The following MPDZ variants were observed in gnomAD, a reference collection of about 807,000 sequenced individuals.
MPDZ encodes multiple PDZ domain protein.
A neutral mutation model predicts 239.1 loss-of-function variants in MPDZ; 234 were observed. The observed-to-expected ratio is 0.98, with a 90% confidence interval of 0.88 to 1.09. The LOEUF (loss-of-function observed/expected upper bound fraction) is 1.09. MPDZ is among the 50% of genes least tolerant of loss of function. The probability of loss-of-function intolerance (pLI) is 0.00; values close to 1 mark genes in which losing one functional copy is unlikely to be tolerated. For synonymous variants in MPDZ, 1,048 were observed against 881.3 expected (o/e 1.19, Z -3.35); for missense variants, 3,175 against 2,510.0 (o/e 1.26, Z -5.66).
At chr9:13,205,333 C>T (rs1956869679) in intron 11 of MPDZ, among the ~76,000 whole-genome samples, 1 of 152,074 alleles carries the variant, frequency 6.6e-6, no homozygotes, top group African/African-American at 2.4e-5. Flanking sequence ...GTATAAATGG[C>T]ATAAATATCA....
At chr9:13,121,702 T>A in intron 38 of MPDZ, 37 bp downstream of exon 38, 1 of 1,605,472 alleles carries the variant, frequency 6.2e-7, no homozygotes, top group African/African-American at 1.3e-5. Context: ...TCCCATCATT[T>A]CCAAGGGAGC....
At chr9:13,144,720 G>A (rs1948203443) in intron 26 of MPDZ, among the ~76,000 whole-genome samples, 1 of 152,060 alleles carries the variant, frequency 6.6e-6, no homozygotes, top group Non-Finnish European at 1.5e-5. Context: ...TTCTTGCAAT[G>A]TTTTTCCTAC....
chr9:13,276,692 T>C (rs1026805833), intron 1 of MPDZ: 1 of 152,204 alleles, frequency 6.6e-6, no homozygotes, highest in Admixed American at 6.5e-5. Flanking sequence ...CAGTCCAACT[T>C]TGCCTCAAAA....
intron 1 of MPDZ, among the ~76,000 whole-genome samples, chr9:13,275,799 T>C (rs1974051661): frequency 6.6e-6 from 1 of 152,158 alleles, no homozygotes. Flanking sequence ...TGGGCACAAA[T>C]CCTCTATTCC....
At chr9:13,138,617 G>A (rs1947195964) in intron 28 of MPDZ, among the ~76,000 whole-genome samples, 1 of 152,150 alleles carries the variant, frequency 6.6e-6, no homozygotes, top group African/African-American at 2.4e-5. Flanking sequence ...AAAATGAAGA[G>A]AATGAGCTTT....
intron 2 of MPDZ, among the ~76,000 whole-genome samples, chr9:13,249,040 G>A (rs1967153314): frequency 8.2e-6 from 1 of 121,580 alleles, no homozygotes; most frequent in African/African-American, 3.0e-5. Context: ...ACTTTCTATA[G>A]CACCAAATCT....
intron 31 of MPDZ, 157 bp downstream of exon 31, chr9:13,135,935 G>C (rs1012385780): frequency 1.5e-5 from 8 of 533,770 alleles, no homozygotes; most frequent in African/African-American, 3.9e-5. Flanking sequence ...ATTTCCATGA[G>C]TGTCTTCTTA....
chr9:13,242,899 T>C (rs969452657), intron 3 of MPDZ, among the ~76,000 whole-genome samples: 1 of 152,170 alleles, frequency 6.6e-6, no homozygotes, highest in East Asian at 1.9e-4. Flanking sequence ...CAGTAGCAGC[T>C]CCCGTATCTT....
At chr9:13,268,002 G>A (rs910127199) in intron 1 of MPDZ, among the ~76,000 whole-genome samples, 1 of 152,120 alleles carries the variant, frequency 6.6e-6, no homozygotes, top group African/African-American at 2.4e-5. Context: ...TGACTCAGTT[G>A]TCAAAATCCT....
intron 24 of MPDZ, among the ~76,000 whole-genome samples, chr9:13,154,126 G>T (rs1949535280): frequency 6.6e-6 from 1 of 152,130 alleles, no homozygotes. Flanking sequence ...GTTTGGCACA[G>T]ATAGCAAAAT....
At chr9:13,210,903 G>A (rs1019475690) in intron 10 of MPDZ, among the ~76,000 whole-genome samples, 5 of 152,100 alleles carry the variant, frequency 3.3e-5, no homozygotes, top group Admixed American at 2.6e-4. Flanking sequence ...ACATCTGCCA[G>A]GCTCACTTAG....
intron 21 of MPDZ, among the ~76,000 whole-genome samples, chr9:13,171,302 C>T (rs899591499): frequency 1.4e-4 from 22 of 152,120 alleles, no homozygotes; most frequent in Admixed American, 1.4e-3. Context: ...AGACTAAATG[C>T]AAATCTTAAT....
rs75443138 is a variant in MPDZ, at chr9:13,159,739, C to T, written c.3360-1629G>A. On this transcript the variant is annotated intron_variant, in intron 23 of 46. Transcript: ENST00000319217. ...TTTTAGGTACAAGAAGATAAATATC[C>T]TGAATAATCCAATACAAGGACCCCA... Among the ~76,000 whole-genome samples, 33 of 152,176 alleles carry T rather than the reference C, an allele frequency of 2.2e-4. 1 individual carries two copies. Among genetic ancestry groups the T allele is most frequent in the African/African-American group, 7.5e-4 (31 of 41,540 alleles).
At chr9:13,136,498 A>AT (rs936808276) in intron 30 of MPDZ, among the ~76,000 whole-genome samples, 5 of 149,678 alleles carry the variant, frequency 3.3e-5, no homozygotes, top group African/African-American at 4.9e-5. Context: ...CGCCCGGCTA[A>AT]TTTTTTTTTA....
At chr9:13,213,588 CATG>C (rs1957907600) in intron 10 of MPDZ, among the ~76,000 whole-genome samples, 2 of 152,018 alleles carry the variant, frequency 1.3e-5, no homozygotes, top group Non-Finnish European at 2.9e-5. Flanking sequence ...AAAAGCATTG[CATG>C]ATGTTCTCCA....
chr9:13,175,944 C>A lies in MPDZ; in HGVS notation c.2932-69G>T, dbSNP rs552480376. The A allele has an allele frequency of 1.8e-3, 2,672 of 1,506,560 alleles. 4 individuals carry two copies. The highest frequency in any genetic ancestry group is 2.2e-3 in the Non-Finnish European group (2,479 of 1,124,148). 93.3% of individuals were successfully genotyped at this position (1,506,560 alleles called of 1,614,324 possible). ...ACTAGACTTTGGAGCGTGATTTCAA[C>A]ATCACGCATGTTCTCTAATTGATTG... On this transcript the variant is annotated intron_variant, in intron 20 of 46. Coordinates refer to ENST00000319217, the MANE Select transcript of MPDZ (RefSeq NM_001378778.1).
chr9:13,224,284 G>T, intron 4 of MPDZ, 90 bp downstream of exon 4: 1 of 1,208,738 alleles, frequency 8.3e-7, no homozygotes, highest in Non-Finnish European at 1.2e-6. Context: ...TGTTATAAAT[G>T]TCACTATATT....
intron 5 of MPDZ, 96 bp from the exon 6 acceptor site, chr9:13,222,542 A>G (rs1959187756): frequency 1.0e-6 from 1 of 965,046 alleles, no homozygotes; most frequent in Non-Finnish European, 1.6e-6. Flanking sequence ...TTTTAATCCT[A>G]TTTTTAATTC....
At chr9:13,121,044 G>C (rs1052173605) in intron 38 of MPDZ, among the ~76,000 whole-genome samples, 2 of 152,184 alleles carry the variant, frequency 1.3e-5, no homozygotes, top group Non-Finnish European at 2.9e-5. Flanking sequence ...AAATGAGTTT[G>C]TTAATATTAC....
Sources: gnomAD v4.1 joint callset for allele counts (sites outside exome capture counted in the v4.1 genomes callset) on GRCh38, gnomAD v4.1.1 for gene constraint, MANE v1.5 for transcripts, NCBI Gene and HGNC (gene_info 2026-07-23, HGNC 2026-07-21) for gene names.